CRACR2A: variants seen among roughly 807,000 people sequenced by gnomAD.
CRACR2A encodes calcium release activated channel regulator 2A, also known as EF-hand calcium-binding domain-containing protein 4B.
A neutral mutation model predicts 90.5 loss-of-function variants in CRACR2A; 79 were observed. The observed-to-expected ratio is 0.87, with a 90% CI of 0.73 to 1.05. The LOEUF is 1.05. CRACR2A is among the 50% of genes least tolerant of loss of function. CRACR2A has a pLI of 0.00. For missense variants in CRACR2A, 823 were observed against 897.2 expected (o/e 0.92, Z 1.06); for synonymous variants, 338 against 356.7 (o/e 0.95, Z 0.59).
chr12:3,670,794 C>T (rs920808066), intron 7 of CRACR2A, among the ~76,000 whole-genome samples: 5 of 152,148 alleles, frequency 3.3e-5, no homozygotes, highest in Non-Finnish European at 7.3e-5. Context: ...GTGCCCTGCT[C>T]AAAACAGTCT....
At position 3,615,338 on chromosome 12, in the gene CRACR2A, G is replaced by A; in HGVS notation, c.*17C>T. 3 of 1,550,432 alleles carry A rather than the reference G, an allele frequency of 1.9e-6. No homozygotes were observed. Among genetic ancestry groups the A allele is most frequent in the Non-Finnish European group, 2.6e-6 (3 of 1,145,852 alleles). ...TGTGACCTCAGGTTTGCTGGGGGCA[G>A]TCCTTGTAGGACCCTATCAGCCACA... On this transcript the variant is annotated 3_prime_UTR_variant, in exon 20 of 20. Coordinates refer to ENST00000440314, the MANE Select transcript of CRACR2A (RefSeq NM_001144958.2).
intron 19 of CRACR2A, 41 bp downstream of exon 19, chr12:3,616,913 G>A: frequency 6.8e-7 from 1 of 1,462,720 alleles, no homozygotes; most frequent in African/African-American, 1.4e-5. Context: ...AGACACAGCT[G>A]GACACAGCAG....
At chr12:3,734,526 C>T (rs1565507172) in intron 1 of CRACR2A, among the ~76,000 whole-genome samples, 1 of 152,132 alleles carries the variant, frequency 6.6e-6, no homozygotes, top group African/African-American at 2.4e-5. Flanking sequence ...GTCATCTCCG[C>T]ACTCCCGTGT....
At chr12:3,749,795 TTGTGTG>T (rs200387314) in intron 1 of CRACR2A, among the ~76,000 whole-genome samples, 20,429 of 144,458 alleles carry the variant, frequency 0.14, 1,566 homozygotes, top group East Asian at 0.31. Context: ...TGCTGTTTCT[TTGTGTG>T]TGTGTGTGTG....
intron 4 of CRACR2A, among the ~76,000 whole-genome samples, chr12:3,695,913 C>A (rs1471993652): frequency 5.9e-5 from 9 of 152,246 alleles, no homozygotes; most frequent in Non-Finnish European, 4.4e-5. Flanking sequence ...AGGCATCAAA[C>A]CAGGAGTGGG....
chr12:3,701,331 C>T (rs777153885), intron 3 of CRACR2A, among the ~76,000 whole-genome samples: 16 of 151,122 alleles, frequency 1.1e-4, no homozygotes, highest in East Asian at 3.9e-4. Flanking sequence ...TTAAACCCAA[C>T]GTAAGGAGAA....
Position 3,647,335 on chromosome 12 carries a change from C to T in CRACR2A, c.1118+1207G>A, listed in dbSNP as rs141078717. Among the ~76,000 whole-genome samples, 172 of 152,250 alleles carry T rather than the reference C, an allele frequency of 1.1e-3. 1 individual carries two copies. The highest frequency in any genetic ancestry group is 3.8e-3 in the African/African-American group (159 of 41,544). ...AAGCTTGGTAACCCTGGATCGATGG[C>T]ACAGAAAGGCCTCAGGCCTTTTGTG... On this transcript the variant is annotated intron_variant, in intron 11 of 19. Transcript: ENST00000440314.
intron 1 of CRACR2A, among the ~76,000 whole-genome samples, chr12:3,749,648 C>T (rs891575395): frequency 2.0e-5 from 3 of 152,156 alleles, no homozygotes; most frequent in African/African-American, 4.8e-5. Context: ...TGTACTTGGA[C>T]GGAACCCTTT....
chr12:3,629,079 C>T (rs1944332367), intron 15 of CRACR2A, among the ~76,000 whole-genome samples: 1 of 152,200 alleles, frequency 6.6e-6, no homozygotes. Flanking sequence ...TCTATGTGCT[C>T]CCTCTTCACC....
chr12:3,720,359 GAA>G (rs1479860880), intron 2 of CRACR2A, among the ~76,000 whole-genome samples: 19 of 116,482 alleles, frequency 1.6e-4, no homozygotes, highest in Non-Finnish European at 2.2e-4. Context: ...AAAAAGGAAA[GAA>G]AGAGAGAGAG....
rs531699959 is a variant in CRACR2A at position 3,668,605 on chromosome 12, A to G, written c.671+4841T>C. Among the ~76,000 whole-genome samples, 189 of 152,352 alleles carry G rather than the reference A, an allele frequency of 1.2e-3. 1 individual carries two copies. The highest frequency in any genetic ancestry group is 3.4e-3 in the Middle Eastern group (1 of 294). Reference sequence around the variant, plus strand: ...CCTATCTGGAGGCAGGGCCAGTGACATGATGACATCTCTTCCCTGAAAAGC... The same window carrying G: ...CCTATCTGGAGGCAGGGCCAGTGACGTGATGACATCTCTTCCCTGAAAAGC... On this transcript the variant is annotated intron_variant, in intron 7 of 19. Transcript: ENST00000440314.
chr12:3,681,752 C>T (rs1945458335), intron 4 of CRACR2A, among the ~76,000 whole-genome samples: 2 of 152,158 alleles, frequency 1.3e-5, no homozygotes, highest in African/African-American at 4.8e-5. Context: ...TGTGAAAGCC[C>T]ATAACATAAT....
At chr12:3,660,031 G>A (rs779263577) in intron 7 of CRACR2A, among the ~76,000 whole-genome samples, 9 of 152,056 alleles carry the variant, frequency 5.9e-5, no homozygotes, top group Non-Finnish European at 8.8e-5. Flanking sequence ...CCCTGTTCCC[G>A]CTGATCTCCA....
chr12:3,659,456 A>G, intron 8 of CRACR2A, 108 bp downstream of exon 8: 5 of 813,264 alleles, frequency 6.1e-6, no homozygotes, highest in South Asian at 1.7e-5. Context: ...GCAGAGAAAG[A>G]GGGAATCAAT....
At chr12:3,716,098 CT>C (rs945892759) in intron 2 of CRACR2A, among the ~76,000 whole-genome samples, 126 of 151,206 alleles carry the variant, frequency 8.3e-4, no homozygotes, top group African/African-American at 2.8e-3. Context: ...TCTTCTAATG[CT>C]TTGGCTTTCT....
chr12:3,687,128 A>G (rs1945571882), intron 4 of CRACR2A, among the ~76,000 whole-genome samples: 1 of 152,018 alleles, frequency 6.6e-6, no homozygotes, highest in Admixed American at 6.5e-5. Context: ...TCCATTTTTA[A>G]TAAGAAGAAA....
chr12:3,721,629 A>G (rs572928001), intron 2 of CRACR2A, among the ~76,000 whole-genome samples: 1 of 151,828 alleles, frequency 6.6e-6, no homozygotes, highest in African/African-American at 2.4e-5. Context: ...TCTTCTCCTC[A>G]AATAGCTTAT....
intron 17 of CRACR2A, among the ~76,000 whole-genome samples, chr12:3,625,503 T>A (rs991924089): frequency 3.3e-5 from 5 of 151,174 alleles, no homozygotes; most frequent in Non-Finnish European, 5.9e-5. Context: ...GGCTTAGCCC[T>A]AGCACACACC....
At chr12:3,696,224 C>G (rs931328068) in intron 4 of CRACR2A, among the ~76,000 whole-genome samples, 11 of 152,330 alleles carry the variant, frequency 7.2e-5, no homozygotes, top group Non-Finnish European at 1.6e-4. Flanking sequence ...TTCTCTGGAC[C>G]TTTATGAAAA....
Sources: gnomAD v4.1 joint callset for allele counts (sites outside exome capture counted in the v4.1 genomes callset) on GRCh38, gnomAD v4.1.1 for gene constraint, MANE v1.5 for transcripts, NCBI Gene and HGNC (gene_info 2026-07-23, HGNC 2026-07-21) for gene names.